Variants in FOXP1 observed in about 807,000 individuals in gnomAD.
FOXP1 encodes the protein forkhead box protein P1.
In FOXP1, 15 loss-of-function variants were observed where a neutral mutation model predicts 98.2. The ratio of observed to expected loss-of-function variants is 0.15; its 90% CI spans 0.10 to 0.24. FOXP1 has a LOEUF of 0.24. Ranked by LOEUF, FOXP1 falls within the 10% of genes least tolerant of loss-of-function variation. The pLI is 1.00. For synonymous variants in FOXP1, 371 were observed against 314.5 expected, an observed-to-expected ratio of 1.18 and a Z score of -1.90; for missense variants, 633 against 848.5, an observed-to-expected ratio of 0.75 and a Z score of 3.15.
intron 14 of FOXP1, among the ~76,000 whole-genome samples, chr3:70,982,212 G>A (rs1338314737): frequency 6.6e-6 from 1 of 152,174 alleles, no homozygotes; most frequent in Non-Finnish European, 1.5e-5. Context: ...AAGAGCAAAT[G>A]GGGAATGGTG....
chr3:71,542,057 T>C (rs917753908), intron 2 of FOXP1: 4 of 531,514 alleles, frequency 7.5e-6, no homozygotes, highest in African/African-American at 1.9e-5. Flanking sequence ...AGGGTCTGTA[T>C]AGAAAACATT....
In FOXP1 at chr3:71,567,413, G is replaced by A. The variant is rs563195158; in HGVS notation, c.-298+14136C>T. Among the ~76,000 whole-genome samples, 408 of 151,832 alleles carry A rather than the reference G, an allele frequency of 2.7e-3. 2 individuals are homozygous for A. The highest frequency in any genetic ancestry group is 9.4e-3 in the African/African-American group (389 of 41,402). ...TTGCTCAGGATGCCAAAGCTACTAA[G>A]TGGCAGATAATCAGTGCATATTAAA... On this transcript the variant is annotated intron_variant, in intron 2 of 20. Transcript: ENST00000649528.
intron 3 of FOXP1, among the ~76,000 whole-genome samples, chr3:71,362,577 C>T (rs1054760917): frequency 1.3e-5 from 2 of 152,212 alleles, no homozygotes; most frequent in African/African-American, 2.4e-5. Context: ...TCAAGCCATC[C>T]TCCCACCTCA....
At chr3:71,577,052 G>A (rs1013307203) in intron 2 of FOXP1, among the ~76,000 whole-genome samples, 9 of 152,158 alleles carry the variant, frequency 5.9e-5, no homozygotes, top group Non-Finnish European at 1.3e-4. Flanking sequence ...TTTCACGACT[G>A]GGTAAAACAA....
chr3:71,268,075 TTTTTCTTTTC>T (rs1159332884), intron 5 of FOXP1, among the ~76,000 whole-genome samples: 4 of 148,446 alleles, frequency 2.7e-5, no homozygotes, highest in African/African-American at 9.9e-5. Flanking sequence ...CAGCTTCTTT[TTTTTCTTTTC>T]TTTTCTTTTT....
At chr3:71,080,528 C>T (rs772629879) in intron 7 of FOXP1, among the ~76,000 whole-genome samples, 4 of 152,198 alleles carry the variant, frequency 2.6e-5, no homozygotes, top group East Asian at 1.9e-4. Flanking sequence ...TTAACTTTGT[C>T]GCATTATTAC....
intron 3 of FOXP1, among the ~76,000 whole-genome samples, chr3:71,426,201 G>A (rs954877198): frequency 6.6e-6 from 1 of 152,190 alleles, no homozygotes; most frequent in Non-Finnish European, 1.5e-5. Context: ...AACATTGAAA[G>A]AATCAGGCAA....
intron 6 of FOXP1, among the ~76,000 whole-genome samples, chr3:71,158,713 T>A (rs2060975421): frequency 7.0e-6 from 1 of 141,906 alleles, no homozygotes; most frequent in African/African-American, 2.6e-5. Flanking sequence ...GGAATTCTCT[T>A]TCAGCCCACA....
chr3:71,317,195 T>C (rs1397096376), intron 4 of FOXP1, among the ~76,000 whole-genome samples: 1 of 152,220 alleles, frequency 6.6e-6, no homozygotes, highest in African/African-American at 2.4e-5. Context: ...GTTGAAGCAT[T>C]ATACATGCTA....
chr3:71,077,896 G>C (rs2053981993), intron 7 of FOXP1, among the ~76,000 whole-genome samples: 1 of 150,576 alleles, frequency 6.6e-6, no homozygotes, highest in Admixed American at 6.6e-5. Flanking sequence ...GCAATGGCGT[G>C]ATCTCGGCTC....
intron 5 of FOXP1, among the ~76,000 whole-genome samples, chr3:71,295,282 T>C (rs1242211462): frequency 6.6e-6 from 1 of 152,232 alleles, no homozygotes; most frequent in East Asian, 1.9e-4. Context: ...TGAATGGGTT[T>C]AGCTCAGAAT....
chr3:71,452,383 C>T lies in FOXP1; in HGVS notation c.-168+41043G>A, dbSNP rs138525984. Among the ~76,000 whole-genome samples the T allele has an allele frequency of 3.7e-3, 569 of 152,256 alleles. 3 individuals carry two copies. The highest frequency in any genetic ancestry group is 6.2e-3 in the South Asian group (30 of 4,822). Reference sequence around the variant, plus strand: ...TTGCAGCTATGTTTATAGGTAACAACCTAGAAAACCAGGTGATTCACGTAC... The same window carrying T: ...TTGCAGCTATGTTTATAGGTAACAATCTAGAAAACCAGGTGATTCACGTAC... On this transcript the variant is annotated intron_variant, in intron 3 of 20. Transcript: ENST00000649528.
chr3:70,958,988 A>AATCCCAAGT lies in FOXP1; in HGVS notation c.*250_*258dup, dbSNP rs1210316060. 1.3e-5 allele frequency: 6 copies of AATCCCAAGT among 467,102 alleles called. No individual in the cohort carries two copies. The highest frequency in any genetic ancestry group is 2.4e-5 in the Non-Finnish European group (6 of 253,714). 28.9% of individuals were successfully genotyped at this position (467,102 alleles called of 1,614,324 possible). On this transcript the variant is annotated 3_prime_UTR_variant, in exon 21 of 21. Transcript: ENST00000649528. The stretch of plus-strand genomic sequence containing the variant: ...CTGATGTTGACGGTTAAGAGAGGAA[A>AATCCCAAGT]ATCCCAAGTACCAAACAAGTCCATC...
intron 4 of FOXP1, among the ~76,000 whole-genome samples, chr3:71,357,225 A>C (rs1439003252): frequency 6.6e-6 from 1 of 152,224 alleles, no homozygotes; most frequent in Non-Finnish European, 1.5e-5. Flanking sequence ...CATCCACAGG[A>C]AGGAAAACCC....
chr3:71,367,929 A>G (rs995936210), intron 3 of FOXP1, among the ~76,000 whole-genome samples: 1 of 152,102 alleles, frequency 6.6e-6, no homozygotes, highest in Non-Finnish European at 1.5e-5. Context: ...AATGCCAACC[A>G]CAGAACACAA....
chr3:71,161,240 A>G (rs1217178179), intron 6 of FOXP1, among the ~76,000 whole-genome samples: 2 of 152,124 alleles, frequency 1.3e-5, no homozygotes, highest in African/African-American at 4.8e-5. Context: ...TTTTTTCTCA[A>G]AATTCTGGGG....
In FOXP1 at chr3:71,533,006, C is replaced by T. The variant is rs553087380; in HGVS notation, c.-297-39451G>A. On this transcript the variant is annotated intron_variant, in intron 2 of 20. Coordinates refer to ENST00000649528, the MANE Select transcript of FOXP1 (RefSeq NM_001349338.3). ...CCCTGGTTGATACATCTTGCTCCTG[C>T]AATCAGAAAGAAAGAGTTTAGAATC... Among the ~76,000 whole-genome samples the T allele has an allele frequency of 6.6e-5, 10 of 152,292 alleles. No individual in the cohort carries two copies. The South Asian group carries it at 1.2e-3, about 19-fold the overall frequency.
intron 4 of FOXP1, among the ~76,000 whole-genome samples, chr3:71,321,240 CT>C (rs1420659232): frequency 6.6e-6 from 1 of 152,116 alleles, no homozygotes; most frequent in East Asian, 1.9e-4. Flanking sequence ...TTAACTTCAG[CT>C]TTAATGATAT....
chr3:71,146,098 G>A (rs776237379), intron 6 of FOXP1, among the ~76,000 whole-genome samples: 1 of 152,222 alleles, frequency 6.6e-6, no homozygotes, highest in Admixed American at 6.5e-5. Context: ...AGTGCACAGA[G>A]AGGGAACAAA....
Sources: gnomAD v4.1 joint callset for allele counts (sites outside exome capture counted in the v4.1 genomes callset) on GRCh38, gnomAD v4.1.1 for gene constraint, MANE v1.5 for transcripts, NCBI Gene and HGNC (gene_info 2026-07-23, HGNC 2026-07-21) for gene names.